PTPRO: variants seen among roughly 807,000 people sequenced by gnomAD.
The protein encoded by PTPRO is protein tyrosine phosphatase receptor type O, also known as receptor-type tyrosine-protein phosphatase O.
In PTPRO, 62 loss-of-function variants were observed where a neutral mutation model predicts 145.2. The ratio of observed to expected loss-of-function variants is 0.43; its 90% CI spans 0.35 to 0.53. The LOEUF (loss-of-function observed/expected upper bound fraction) is 0.53, where lower values mean the gene tolerates loss of function less well. Ranked by LOEUF, PTPRO falls within the 20% of genes least tolerant of loss-of-function variation. PTPRO has a pLI of 0.01. For synonymous variants in PTPRO, 565 were observed against 514.7 expected, an observed-to-expected ratio of 1.10 and a Z score of -1.32; for missense variants, 1,345 against 1,482.7, an observed-to-expected ratio of 0.91 and a Z score of 1.53.
intron 1 of PTPRO, among the ~76,000 whole-genome samples, chr12:15,424,352 A>G (rs1940226525): frequency 6.6e-6 from 1 of 152,120 alleles, no homozygotes; most frequent in South Asian, 2.1e-4. Context: ...TGTTATGTTG[A>G]TCATATTTTA....
At chr12:15,464,511 C>T (rs1363082136) in intron 1 of PTPRO, among the ~76,000 whole-genome samples, 12 of 142,962 alleles carry the variant, frequency 8.4e-5, no homozygotes, top group East Asian at 4.1e-4. Context: ...CATGCCACCA[C>T]GCCCAGCTAA....
At chr12:15,545,132 GAT>G (rs1490753362) in intron 12 of PTPRO, among the ~76,000 whole-genome samples, 2 of 152,078 alleles carry the variant, frequency 1.3e-5, no homozygotes, top group African/African-American at 4.8e-5. Flanking sequence ...TCCACACAAA[GAT>G]GTGTACCTGT....
intron 2 of PTPRO, among the ~76,000 whole-genome samples, chr12:15,495,715 T>C (rs563664317): frequency 2.0e-4 from 30 of 152,136 alleles, no homozygotes; most frequent in Non-Finnish European, 4.3e-4. Flanking sequence ...CTCATTTCTA[T>C]AGGCAGAAAC....
intron 12 of PTPRO, among the ~76,000 whole-genome samples, chr12:15,536,875 G>A (rs1176049734): frequency 6.6e-6 from 1 of 152,198 alleles, no homozygotes; most frequent in Non-Finnish European, 1.5e-5. Flanking sequence ...AGAGAACACT[G>A]AGTCTGTCCA....
At chr12:15,593,783 T>G (rs1016276614) in intron 25 of PTPRO, among the ~76,000 whole-genome samples, 6 of 152,200 alleles carry the variant, frequency 3.9e-5, no homozygotes, top group Admixed American at 2.0e-4. Context: ...ATAGGTAAAA[T>G]GGACTGCCTC....
chr12:15,490,567 A>G (rs535002505), intron 2 of PTPRO, among the ~76,000 whole-genome samples: 1 of 152,318 alleles, frequency 6.6e-6, no homozygotes, highest in South Asian at 2.1e-4. Flanking sequence ...TCAAACAAAA[A>G]CAGGTGGCAG....
intron 1 of PTPRO, among the ~76,000 whole-genome samples, chr12:15,368,252 C>A (rs970241226): frequency 6.6e-6 from 1 of 152,140 alleles, no homozygotes; most frequent in Non-Finnish European, 1.5e-5. Context: ...GCATTCCCAT[C>A]CTCACCACCA....
chr12:15,388,110 T>C (rs926970285), intron 1 of PTPRO, among the ~76,000 whole-genome samples: 1 of 152,070 alleles, frequency 6.6e-6, no homozygotes, highest in Non-Finnish European at 1.5e-5. Context: ...AAAAAAAAGA[T>C]AGTGGATTTT....
intron 1 of PTPRO, among the ~76,000 whole-genome samples, chr12:15,462,967 G>T (rs546323134): frequency 6.6e-6 from 1 of 151,846 alleles, no homozygotes; most frequent in African/African-American, 2.4e-5. Context: ...ATGAAACAAA[G>T]AATCATATTG....
intron 19 of PTPRO, among the ~76,000 whole-genome samples, chr12:15,577,875 G>A (rs1011848727): frequency 2.6e-5 from 4 of 152,142 alleles, no homozygotes; most frequent in Admixed American, 1.3e-4. Context: ...TGGCCTGACC[G>A]TAATCCCCGT....
intron 1 of PTPRO, among the ~76,000 whole-genome samples, chr12:15,425,810 C>T (rs557074033): frequency 8.5e-5 from 13 of 152,102 alleles, no homozygotes; most frequent in African/African-American, 3.1e-4. Context: ...ATACATTGCT[C>T]TAATTACTGT....
At chr12:15,409,935 GAACACAGATGCA>G (rs1378153982) in intron 1 of PTPRO, among the ~76,000 whole-genome samples, 1 of 152,154 alleles carries the variant, frequency 6.6e-6, no homozygotes, top group African/African-American at 2.4e-5. Flanking sequence ...ATTTGGATGG[GAACACAGATGCA>G]AACTATGTCA....
At chr12:15,588,316 A>G (rs1037492099) in intron 24 of PTPRO, among the ~76,000 whole-genome samples, 1 of 152,220 alleles carries the variant, frequency 6.6e-6, no homozygotes, top group East Asian at 1.9e-4. Flanking sequence ...GGATTTTTCT[A>G]GCAAACTTTC....
At chr12:15,459,075 G>A (rs760976722) in intron 1 of PTPRO, among the ~76,000 whole-genome samples, 29 of 152,164 alleles carry the variant, frequency 1.9e-4, no homozygotes, top group Admixed American at 5.2e-4. Context: ...GCTCCCAGAT[G>A]TCTAGAATAT....
intron 1 of PTPRO, among the ~76,000 whole-genome samples, chr12:15,413,516 A>G (rs1355800559): frequency 1.3e-5 from 2 of 152,272 alleles, no homozygotes; most frequent in South Asian, 2.1e-4. Context: ...AGATTTTAAG[A>G]TATTTTAAAA....
At chr12:15,385,408 T>C (rs1340198135) in intron 1 of PTPRO, among the ~76,000 whole-genome samples, 1 of 151,972 alleles carries the variant, frequency 6.6e-6, no homozygotes, top group Non-Finnish European at 1.5e-5. Context: ...GGACTGGAGA[T>C]CAAGTCATAC....
At chr12:15,475,255 G>T (rs1228702619) in intron 1 of PTPRO, among the ~76,000 whole-genome samples, 2 of 152,178 alleles carry the variant, frequency 1.3e-5, no homozygotes, top group Admixed American at 6.5e-5. Flanking sequence ...TGATGCTTAT[G>T]AACTTATTGT....
At chr12:15,402,916 C>A (rs948905688) in intron 1 of PTPRO, among the ~76,000 whole-genome samples, 5 of 152,084 alleles carry the variant, frequency 3.3e-5, no homozygotes, top group African/African-American at 7.2e-5. Flanking sequence ...ACAGTCAGTA[C>A]AAAAATACAC....
intron 26 of PTPRO, chr12:15,595,737 A>T (rs1268667468): frequency 6.5e-6 from 1 of 154,374 alleles, no homozygotes; most frequent in Non-Finnish European, 1.4e-5. Context: ...GGAGCCAATG[A>T]CAGGGTAGGG....
Sources: allele counts gnomAD v4.1 joint callset (sites outside exome capture counted in the v4.1 genomes callset), GRCh38; gene constraint gnomAD v4.1.1; transcripts MANE v1.5; gene names NCBI Gene and HGNC (gene_info 2026-07-23, HGNC 2026-07-21).